NAALADL2: variants seen among roughly 807,000 people sequenced by gnomAD.
The protein encoded by NAALADL2 is N-acetylated alpha-linked acidic dipeptidase like 2, also known as inactive N-acetylated-alpha-linked acidic dipeptidase-like protein 2.
In NAALADL2, 76 loss-of-function variants were observed where a neutral mutation model predicts 87.2. The ratio of observed to expected loss-of-function variants is 0.87; its 90% CI spans 0.72 to 1.05. The LOEUF is 1.05. Among genes scored for constraint, NAALADL2 ranks in the 50% least tolerant of loss-of-function variants. The probability of loss-of-function intolerance (pLI) is 0.00; values close to 1 mark genes in which losing one functional copy is unlikely to be tolerated. For synonymous variants in NAALADL2, 354 were observed against 331.0 expected (o/e 1.07, Z -0.75); for missense variants, 1,089 against 945.8 (o/e 1.15, Z -1.99).
At chr3:175,510,317 A>G (rs1026723680) in intron 9 of NAALADL2, among the ~76,000 whole-genome samples, 3 of 152,072 alleles carry the variant, frequency 2.0e-5, no homozygotes, top group African/African-American at 7.2e-5. Context: ...GGATTATGGG[A>G]ACTAAAATTC....
chr3:174,680,314 A>G (rs573156540), intron 2 of NAALADL2, among the ~76,000 whole-genome samples: 1 of 152,306 alleles, frequency 6.6e-6, no homozygotes, highest in Admixed American at 6.5e-5. Flanking sequence ...CAAGGTCCCA[A>G]AAGCTAGATA....
chr3:175,406,224 A>G (rs1349881835), intron 5 of NAALADL2, among the ~76,000 whole-genome samples: 2 of 152,234 alleles, frequency 1.3e-5, no homozygotes, highest in Non-Finnish European at 2.9e-5. Context: ...GGCAGGAAGA[A>G]AATTATTCAG....
chr3:175,675,934 G>A (rs953360698), intron 11 of NAALADL2: 3 of 151,958 alleles, frequency 2.0e-5, no homozygotes, highest in Admixed American at 1.3e-4. Flanking sequence ...GTGCACTATT[G>A]TTTATATGGT....
chr3:174,803,968 A>T (rs1719155472), intron 3 of NAALADL2, among the ~76,000 whole-genome samples: 1 of 152,072 alleles, frequency 6.6e-6, no homozygotes, highest in Non-Finnish European at 1.5e-5. Flanking sequence ...TTTTGGTTCC[A>T]TATGAACTTT....
intron 11 of NAALADL2, among the ~76,000 whole-genome samples, chr3:175,661,953 C>G (rs538636194): frequency 1.3e-5 from 2 of 151,890 alleles, no homozygotes; most frequent in African/African-American, 4.8e-5. Flanking sequence ...GTCCTTTCTT[C>G]CCAGGGTTGC....
intron 1 of NAALADL2, among the ~76,000 whole-genome samples, chr3:174,887,383 A>C (rs1057001008): frequency 1.5e-5 from 2 of 129,550 alleles, no homozygotes; most frequent in Non-Finnish European, 3.7e-5. Flanking sequence ...TAATGGTATT[A>C]ATCAATTATA....
In NAALADL2 at chr3:175,475,024, T is replaced by TACACACACACACACACACACAC. The variant is rs3040495; in HGVS notation, c.1653+3269_1653+3290dup. On this transcript the variant is annotated intron_variant, in intron 9 of 13. Transcript: ENST00000454872. ...ATTCTTTCATGCACAAACATTTAAGTACACACACACACACACACACACACT... is the reference window on the plus strand; with the variant it reads ...ATTCTTTCATGCACAAACATTTAAGTACACACACACACACACACACACACACACACACACACACACACACACT... 2.6e-4 allele frequency among the ~76,000 whole-genome samples: 39 copies of TACACACACACACACACACACAC among 149,718 alleles called. No individual in the cohort carries two copies. The East Asian group carries it at 3.2e-3, about 12-fold the overall frequency.
chr3:174,707,845 A>T (rs1028264106), intron 2 of NAALADL2, among the ~76,000 whole-genome samples: 7 of 152,184 alleles, frequency 4.6e-5, no homozygotes, highest in African/African-American at 1.4e-4. Context: ...AAAGCACAAA[A>T]AAAAAAGCTC....
chr3:174,971,665 C>CTGTGTGTGTGTG (rs10662918), intron 1 of NAALADL2, among the ~76,000 whole-genome samples: 251 of 144,812 alleles, frequency 1.7e-3, no homozygotes, highest in African/African-American at 2.3e-3. Flanking sequence ...GTATGCTAGA[C>CTGTGTGTGTGTG]TGTGTGTGTG....
intron 11 of NAALADL2, among the ~76,000 whole-genome samples, chr3:175,687,582 C>T (rs2077308092): frequency 6.6e-6 from 1 of 152,100 alleles, no homozygotes; most frequent in African/African-American, 2.4e-5. Flanking sequence ...ACACTGGGCC[C>T]AGAGTCTGTA....
rs183546625 is a variant in NAALADL2 at position 174,533,192 on chromosome 3, A to G, written c.-183-17377A>G. Among the ~76,000 whole-genome samples the G allele has an allele frequency of 6.6e-4, 100 of 151,204 alleles. 1 individual carries two copies. Among genetic ancestry groups the G allele is most frequent in the African/African-American group, 2.3e-3 (94 of 41,094 alleles). The stretch of plus-strand genomic sequence containing the variant: ...AATGGGGAAGGGGTACAGGGGCAGG[A>G]CTTGCGTCAGGAATAAAGGCTCTCG... On this transcript the variant is annotated intron_variant, in intron 1 of 3. Transcript: ENST00000434257.
intron 1 of NAALADL2, among the ~76,000 whole-genome samples, chr3:174,904,983 C>T (rs922429704): frequency 6.6e-6 from 1 of 151,644 alleles, no homozygotes; most frequent in African/African-American, 2.4e-5. Flanking sequence ...TATGGGATTG[C>T]TGTATTGTTA....
intron 3 of NAALADL2, among the ~76,000 whole-genome samples, chr3:174,755,090 G>A (rs1287604892): frequency 1.3e-5 from 2 of 152,150 alleles, no homozygotes; most frequent in Admixed American, 6.5e-5. Flanking sequence ...GGATCATGGA[G>A]GCGGTTTCCC....
intron 5 of NAALADL2, among the ~76,000 whole-genome samples, chr3:175,396,356 A>T (rs1386453813): frequency 2.0e-5 from 3 of 152,174 alleles, no homozygotes; most frequent in Non-Finnish European, 4.4e-5. Flanking sequence ...CATATTAAAA[A>T]TGCCAAGATT....
chr3:174,924,664 T>A (rs1196015907), intron 1 of NAALADL2, among the ~76,000 whole-genome samples: 1 of 152,162 alleles, frequency 6.6e-6, no homozygotes, highest in African/African-American at 2.4e-5. Flanking sequence ...TTGAACCAGT[T>A]TACAGTCCCA....
intron 10 of NAALADL2, among the ~76,000 whole-genome samples, chr3:175,600,908 T>C (rs1408246607): frequency 6.6e-6 from 1 of 152,192 alleles, no homozygotes; most frequent in Non-Finnish European, 1.5e-5. Context: ...CTGTGACAAA[T>C]GGACCTTGTT....
At chr3:175,779,332 AC>A (rs1216567199) in intron 13 of NAALADL2, among the ~76,000 whole-genome samples, 3 of 152,188 alleles carry the variant, frequency 2.0e-5, no homozygotes, top group Non-Finnish European at 2.9e-5. Context: ...TTGATCTCTT[AC>A]ATGGGAAACA....
At chr3:175,202,559 C>T (rs978975584) in intron 2 of NAALADL2, among the ~76,000 whole-genome samples, 3 of 152,156 alleles carry the variant, frequency 2.0e-5, no homozygotes, top group African/African-American at 7.2e-5. Flanking sequence ...ACTCAAAGGG[C>T]ATAGAGATTT....
chr3:174,864,137 A>T, intron 1 of NAALADL2: 1 of 450,130 alleles, frequency 2.2e-6, no homozygotes, highest in Non-Finnish European at 4.5e-6. Context: ...GCATGTGAAG[A>T]TGGACTGGGT....
Sources: gnomAD v4.1 joint callset for allele counts (sites outside exome capture counted in the v4.1 genomes callset) on GRCh38, gnomAD v4.1.1 for gene constraint, MANE v1.5 for transcripts, NCBI Gene and HGNC (gene_info 2026-07-23, HGNC 2026-07-21) for gene names.